POTEI: variants seen among roughly 807,000 people sequenced by gnomAD.
The protein encoded by POTEI is POTE ankyrin domain family member I.
Under a neutral mutation model 43.4 loss-of-function variants are expected in POTEI, and 14 were observed. The observed-to-expected ratio is 0.32, with a 90% CI of 0.21 to 0.50. The LOEUF (loss-of-function observed/expected upper bound fraction) is 0.50. Among genes scored for constraint, POTEI ranks in the 20% least tolerant of loss-of-function variants. The probability of loss-of-function intolerance (pLI) is 0.98; values close to 1 mark genes in which losing one functional copy is unlikely to be tolerated. For synonymous variants in POTEI, 95 were observed against 297.9 expected (o/e 0.32, Z 7.01); for missense variants, 235 against 795.4 (o/e 0.30, Z 8.47).
chr2:130,477,635 T>C (rs1166649451), intron 10 of POTEI, among the ~76,000 whole-genome samples: 1 of 141,428 alleles, frequency 7.1e-6, no homozygotes, highest in Non-Finnish European at 1.5e-5. Flanking sequence ...GGGGAGAGTC[T>C]TGCACATCAT....
Position 130,508,216 on chromosome 2 carries a change from A to G in POTEI, c.521+499T>C, listed in dbSNP as rs1279464908. Among the ~76,000 whole-genome samples the G allele has an allele frequency of 9.0e-3, 30 of 3,338 alleles. 4 individuals are homozygous for G. Among genetic ancestry groups the G allele is most frequent in the African/African-American group, 9.6e-3 (30 of 3,114 alleles). 2.2% of individuals were successfully genotyped at this position (3,338 alleles called of 152,430 possible). A position where few individuals can be genotyped will look rare whatever the true frequency, so the allele number is the denominator to read the frequency against. ...GAAAATTCAATCTTCCTATTCAAGC[A>G]CAGGAACCATCTTCCCATTTCAGTT... On this transcript the variant is annotated intron_variant, in intron 1 of 14. Transcript: ENST00000451531.
intron 10 of POTEI, among the ~76,000 whole-genome samples, chr2:130,480,437 C>G (rs1345432221): frequency 1.3e-5 from 2 of 151,036 alleles, no homozygotes; most frequent in Non-Finnish European, 2.9e-5. Context: ...CATGTTCACT[C>G]AAGCATCTTG....
chr2:130,509,468 A>G (rs1299017361), upstream of POTEI: 1,876 of 252,582 alleles, frequency 7.4e-3, 67 homozygotes, highest in African/African-American at 0.14. Flanking sequence ...CCCCCCCCCA[A>G]GAAAACACCC....
chr2:130,483,877 G>A (rs1239644501), intron 9 of POTEI, among the ~76,000 whole-genome samples: 1 of 150,608 alleles, frequency 6.6e-6, no homozygotes, highest in Admixed American at 6.7e-5. Context: ...CACCATGCCC[G>A]ACCTACGGCA....
At chr2:130,474,193 A>T (rs1467258104) in intron 13 of POTEI, among the ~76,000 whole-genome samples, 185 bp downstream of exon 13, 1 of 151,648 alleles carries the variant, frequency 6.6e-6, no homozygotes, top group Non-Finnish European at 1.5e-5. Context: ...GTTATTTTTC[A>T]AATAAATTAA....
chr2:130,493,939 T>C (rs1487670292), intron 6 of POTEI, among the ~76,000 whole-genome samples: 12 of 38,742 alleles, frequency 3.1e-4, no homozygotes, highest in African/African-American at 7.6e-4. Flanking sequence ...TTGTAATACA[T>C]TGATGCTACT....
chr2:130,477,478 C>A (rs1166800257), intron 10 of POTEI, among the ~76,000 whole-genome samples: 1 of 150,804 alleles, frequency 6.6e-6, no homozygotes, highest in South Asian at 2.1e-4. Context: ...TGAAGTCTTC[C>A]TTGATTTTGC....
chr2:130,482,435 G>C (rs957654731), intron 9 of POTEI, among the ~76,000 whole-genome samples: 1 of 150,104 alleles, frequency 6.7e-6, no homozygotes, highest in Non-Finnish European at 1.5e-5. Flanking sequence ...TACAAAGTGA[G>C]GACTACGCTG....
chr2:130,467,373 A>C (rs1322917997), intron 13 of POTEI, among the ~76,000 whole-genome samples: 2 of 104,482 alleles, frequency 1.9e-5, no homozygotes, highest in African/African-American at 6.9e-5. Flanking sequence ...ACTACAACCA[A>C]GTGATCTCTG....
At chr2:130,507,273 GA>G (rs1553470862) in intron 1 of POTEI, among the ~76,000 whole-genome samples, 2 of 4,456 alleles carry the variant, frequency 4.5e-4, no homozygotes, top group African/African-American at 1.2e-3. Context: ...AAAAAAAAAG[GA>G]TATATATATA....
At chr2:130,483,657 C>G (rs1295936177) in intron 9 of POTEI, among the ~76,000 whole-genome samples, 4 of 130,382 alleles carry the variant, frequency 3.1e-5, no homozygotes, top group African/African-American at 1.2e-4. Flanking sequence ...TGCAGTGCAA[C>G]GATCTCGGCT....
intron 13 of POTEI, among the ~76,000 whole-genome samples, chr2:130,470,623 C>T (rs4850160): frequency 1.3e-4 from 1 of 7,500 alleles, no homozygotes; most frequent in African/African-American, 1.4e-4. Flanking sequence ...AAGCCTGACG[C>T]GTCCTGATGA....
At chr2:130,468,476 G>A (rs1395800160) in intron 13 of POTEI, among the ~76,000 whole-genome samples, 2 of 152,146 alleles carry the variant, frequency 1.3e-5, no homozygotes, top group Non-Finnish European at 2.9e-5. Context: ...AGGGGAAGGG[G>A]AAGCAGGCAC....
At chr2:130,492,886 T>A (rs1683796746) in intron 6 of POTEI, among the ~76,000 whole-genome samples, 2 of 151,464 alleles carry the variant, frequency 1.3e-5, no homozygotes, top group South Asian at 4.2e-4. Context: ...GAGTCAGCAA[T>A]CTTTAGATTT....
chr2:130,477,733 A>G (rs1287856654), intron 10 of POTEI, among the ~76,000 whole-genome samples: 1 of 139,252 alleles, frequency 7.2e-6, no homozygotes, highest in Admixed American at 7.2e-5. Context: ...AAAAAGAATT[A>G]AAATAAAGCC....
chr2:130,468,288 ATCATATATATGTATGTGTGTATATACAC>A (rs1682914378), intron 13 of POTEI, among the ~76,000 whole-genome samples: 1 of 148,356 alleles, frequency 6.7e-6, no homozygotes, highest in Non-Finnish European at 1.5e-5. Context: ...ACATATATGT[ATCATATATATGTATGTGTGTATATACAC>A]TCACACATAT....
upstream of POTEI, chr2:130,509,460 C>CCG: frequency 3.4e-6 from 1 of 292,896 alleles, no homozygotes; most frequent in Middle Eastern, 8.0e-4. Context: ...GGCCAACCCC[C>CCG]CCCCCCAAGA....
chr2:130,473,546 T>TA (rs1366847139), intron 13 of POTEI, among the ~76,000 whole-genome samples: 2 of 25,116 alleles, frequency 8.0e-5, no homozygotes, highest in African/African-American at 9.2e-5. Flanking sequence ...CCTCATTTTT[T>TA]AAAAATGGTT....
upstream of POTEI, chr2:130,509,527 G>T: frequency 5.6e-6 from 1 of 179,586 alleles, no homozygotes; most frequent in Non-Finnish European, 9.7e-6. Context: ...GTCAAGCCTA[G>T]CAAGGGAACG....
Sources: gnomAD v4.1 joint callset for allele counts (sites outside exome capture counted in the v4.1 genomes callset) on GRCh38, gnomAD v4.1.1 for gene constraint, MANE v1.5 for transcripts, NCBI Gene and HGNC (gene_info 2026-07-23, HGNC 2026-07-21) for gene names.